The following CEP83 variants were observed in gnomAD, a reference collection of about 807,000 sequenced individuals.
CEP83 encodes the protein centrosomal protein 83.
CEP83 carries 70 observed loss-of-function variants against 101.9 expected under a neutral mutation model. The ratio of observed to expected loss-of-function variants is 0.69; its 90% CI spans 0.57 to 0.84. The LOEUF is 0.84. Among genes scored for constraint, CEP83 ranks in the 40% least tolerant of loss-of-function variants. The pLI, the probability that CEP83 is intolerant of heterozygous loss-of-function variation, is 0.00. For synonymous variants in CEP83, 264 were observed against 267.9 expected (o/e 0.99, Z 0.14); for missense variants, 715 against 787.2 (o/e 0.91, Z 1.10).
chr12:94,297,110 C>A, the CEP83 span: 2 of 1,386,260 alleles, frequency 1.4e-6, no homozygotes, highest in Non-Finnish European at 1.0e-6. Context: ...ACAAATGGGG[C>A]CTTTTAAGAG....
intron 4 of CEP83, among the ~76,000 whole-genome samples, chr12:94,407,166 A>C (rs1031225056): frequency 1.3e-5 from 2 of 152,174 alleles, no homozygotes; most frequent in African/African-American, 4.8e-5. Context: ...CTAATATTAG[A>C]ATGTAATTAA....
intron 11 of CEP83, among the ~76,000 whole-genome samples, chr12:94,352,616 A>G (rs1350188776): frequency 1.3e-5 from 2 of 152,148 alleles, no homozygotes; most frequent in African/African-American, 4.8e-5. Context: ...GGAAAAAATG[A>G]TATGAATGAG....
At chr12:94,424,752 C>G (rs1477912763) in intron 2 of CEP83, 1 of 1,612,086 alleles carries the variant, frequency 6.2e-7, no homozygotes, top group Non-Finnish European at 8.5e-7. Flanking sequence ...CACAGCTTGA[C>G]AAGATCTTGG....
intron 11 of CEP83, among the ~76,000 whole-genome samples, chr12:94,358,938 G>A (rs915459787): frequency 6.6e-6 from 1 of 152,230 alleles, no homozygotes; most frequent in Non-Finnish European, 1.5e-5. Flanking sequence ...AAGGTTGTGA[G>A]TTTATGGGAA....
At chr12:94,389,785 G>C (rs2137356966) in intron 6 of CEP83, among the ~76,000 whole-genome samples, 1 of 152,308 alleles carries the variant, frequency 6.6e-6, no homozygotes, top group South Asian at 2.1e-4. Context: ...TTTTCCCAAG[G>C]TCTTAGCAAC....
intron 1 of CEP83, among the ~76,000 whole-genome samples, chr12:94,443,695 A>C (rs2066591253): frequency 6.6e-6 from 1 of 151,754 alleles, no homozygotes; most frequent in Non-Finnish European, 1.5e-5. Flanking sequence ...CCATGTTGGC[A>C]AGGCTGGTCT....
chr12:94,427,251 A>G (rs1433503198), intron 2 of CEP83, among the ~76,000 whole-genome samples: 1 of 152,242 alleles, frequency 6.6e-6, no homozygotes, highest in Non-Finnish European at 1.5e-5. Flanking sequence ...GCAGTTTACT[A>G]AATACAGAAA....
downstream of CEP83, chr12:94,306,065 G>GACATGTTGGATATTATACAAAA (rs1484767848): frequency 3.3e-5 from 5 of 151,958 alleles, no homozygotes; most frequent in African/African-American, 1.2e-4. Flanking sequence ...TTTGATAGTG[G>GACATGTTGGATATTATACAAAA]ACATGTTGGA....
At chr12:94,452,350 A>G (rs2067319306) in intron 1 of CEP83, among the ~76,000 whole-genome samples, 1 of 152,158 alleles carries the variant, frequency 6.6e-6, no homozygotes, top group South Asian at 2.1e-4. Context: ...ATATATCTCA[A>G]TAAAGCTGTT....
intron 6 of CEP83, among the ~76,000 whole-genome samples, chr12:94,386,234 TTC>T (rs1350233392): frequency 2.0e-5 from 3 of 152,304 alleles, no homozygotes; most frequent in African/African-American, 7.2e-5. Context: ...GGCAAAATCC[TTC>T]TGAGATTTCT....
intron 11 of CEP83, among the ~76,000 whole-genome samples, chr12:94,340,990 C>T (rs1481791964): frequency 1.3e-5 from 2 of 152,208 alleles, no homozygotes; most frequent in African/African-American, 4.8e-5. Flanking sequence ...ATTGTGTAAA[C>T]CAAGAAAGTC....
the CEP83 span, among the ~76,000 whole-genome samples, chr12:94,299,284 C>T: frequency 6.6e-6 from 1 of 152,072 alleles, no homozygotes; most frequent in Non-Finnish European, 1.5e-5. Flanking sequence ...AATATTTTAC[C>T]TTAAGGACAG....
intron 2 of CEP83, among the ~76,000 whole-genome samples, chr12:94,415,585 A>C (rs1462812144): frequency 2.0e-5 from 3 of 152,058 alleles, no homozygotes; most frequent in African/African-American, 4.8e-5. Context: ...AAGGCAAAAA[A>C]CCCCCACTAT....
intron 11 of CEP83, among the ~76,000 whole-genome samples, chr12:94,346,156 T>C (rs891483319): frequency 6.6e-6 from 1 of 151,984 alleles, no homozygotes; most frequent in African/African-American, 2.4e-5. Context: ...TTCAAGCAAG[T>C]CTCCTGCCTC....
chr12:94,411,851 GT>G lies in CEP83; in HGVS notation c.174-5del, dbSNP rs753511833. On this transcript the variant is annotated splice_polypyrimidine_tract_variant and splice_region_variant and intron_variant, in intron 3 of 16. Transcript: ENST00000397809. ...CTTTACATGTTCATTCTGCAACCTG[GT>G]TTTTTTTAAAGAGAATTCAATTTTG... 7 of 1,603,752 alleles carry G rather than the reference GT, an allele frequency of 4.4e-6. No homozygotes were observed. The highest frequency in any genetic ancestry group is 2.3e-5 in the South Asian group (2 of 88,684).
At chr12:94,431,298 T>C (rs2065602320) in intron 2 of CEP83, among the ~76,000 whole-genome samples, 1 of 152,148 alleles carries the variant, frequency 6.6e-6, no homozygotes, top group Admixed American at 6.5e-5. Flanking sequence ...CAACTCAAGA[T>C]GGATCAAAGA....
rs2063356920 is a variant in CEP83, at chr12:94,403,241, C to A, written c.346G>T (p.Glu116Ter). 6.4e-7 allele frequency: 1 copy of A among 1,551,774 alleles called. No homozygotes were observed. ...TGTTGTATTTGGGCTCTTAGCAATT[C>A]CAATTTTTGTGGAGTTAATATCTAA... ...KLQILTPQKL[E>*]LLRAQIQQEL... Residue 116 changes from glutamate (E) to a stop codon, truncating the protein, a stop_gained, in exon 5 of 17, where the codon GAA becomes TAA. Coordinates refer to ENST00000397809, the MANE Select transcript of CEP83 (RefSeq NM_016122.3). LOFTEE classifies it high-confidence loss of function.
the CEP83 span, among the ~76,000 whole-genome samples, chr12:94,291,470 A>G: frequency 6.6e-6 from 1 of 152,198 alleles, no homozygotes; most frequent in Non-Finnish European, 1.5e-5. Flanking sequence ...GGATCAAGCA[A>G]TCCTACTGCC....
At chr12:94,349,872 T>C (rs2060123245) in intron 11 of CEP83, among the ~76,000 whole-genome samples, 1 of 151,868 alleles carries the variant, frequency 6.6e-6, no homozygotes, top group Admixed American at 6.6e-5. Flanking sequence ...ATGAATACTA[T>C]GAAAAGGAAA....
Sources: gnomAD v4.1 joint callset for allele counts (sites outside exome capture counted in the v4.1 genomes callset) on GRCh38, gnomAD v4.1.1 for gene constraint, MANE v1.5 for transcripts, NCBI Gene and HGNC (gene_info 2026-07-23, HGNC 2026-07-21) for gene names.